Variants in LMO7 observed in about 807,000 individuals in gnomAD.
The protein encoded by LMO7 is LIM domain 7, also known as LIM domain only protein 7.
LMO7 carries 120 observed loss-of-function variants against 206.5 expected under a neutral mutation model. The observed-to-expected ratio is 0.58, with a 90% confidence interval of 0.50 to 0.68. LMO7 has a LOEUF of 0.68. LMO7 is among the 30% of genes least tolerant of loss of function. The probability of loss-of-function intolerance (pLI) is 0.00; values close to 1 mark genes in which losing one functional copy is unlikely to be tolerated. For synonymous variants in LMO7, 706 were observed against 681.5 expected (o/e 1.04, Z -0.56); for missense variants, 1,959 against 1,957.9 (o/e 1.00, Z -0.01).
chr13:75,729,769 A>G (rs2044929387), intron 3 of LMO7, among the ~76,000 whole-genome samples: 1 of 151,570 alleles, frequency 6.6e-6, no homozygotes, highest in Non-Finnish European at 1.5e-5. Context: ...TGGGTTTGTC[A>G]TAGATAGCTC....
intron 20 of LMO7, 96 bp downstream of exon 20, chr13:75,838,292 C>A: frequency 6.5e-7 from 1 of 1,540,052 alleles, no homozygotes; most frequent in Non-Finnish European, 8.9e-7. Flanking sequence ...TGAGCCTCTT[C>A]AATTTGTCTG....
chr13:75,682,113 G>T, intron 1 of LMO7, among the ~76,000 whole-genome samples: 1 of 152,146 alleles, frequency 6.6e-6, no homozygotes, highest in East Asian at 1.9e-4. Context: ...CAATGTATGA[G>T]AGTTCTATTC....
chr13:75,626,595 A>ATATATATATTTTTTTTTTTTTTTTTTTTT, intron 2 of LMO7, among the ~76,000 whole-genome samples: 43 of 71,132 alleles, frequency 6.0e-4, no homozygotes, highest in Non-Finnish European at 1.2e-3. Flanking sequence ...ATATATATAA[A>ATATATATATTTTTTTTTTTTTTTTTTTTT]TTTTTTTGAG....
intron 4 of LMO7, among the ~76,000 whole-genome samples, chr13:75,779,557 T>C (rs2051005244): frequency 6.6e-6 from 1 of 152,240 alleles, no homozygotes; most frequent in Non-Finnish European, 1.5e-5. Context: ...CTGTCACTTC[T>C]TTCTCAATGA....
At chr13:75,849,052 A>T (rs1457826621) in intron 26 of LMO7, 27 bp from the exon 27 acceptor site, 1 of 1,403,600 alleles carries the variant, frequency 7.1e-7, no homozygotes, top group East Asian at 2.3e-5. Context: ...TACTAATCCC[A>T]AAGCTTTTGA....
At chr13:75,653,032 T>G (rs997958584) in intron 1 of LMO7, among the ~76,000 whole-genome samples, 4 of 152,096 alleles carry the variant, frequency 2.6e-5, no homozygotes, top group Admixed American at 2.0e-4. Flanking sequence ...GCCTCATCCA[T>G]GCCCTTTACA....
intron 21 of LMO7, 23 bp from the exon 22 acceptor site, chr13:75,840,368 T>C (rs1002954326): frequency 3.1e-6 from 5 of 1,613,190 alleles, no homozygotes; most frequent in Non-Finnish European, 4.2e-6. Flanking sequence ...TCTATTTGCA[T>C]CTCTTCTCTG....
chr13:75,747,001 G>A (rs922685397), intron 3 of LMO7, among the ~76,000 whole-genome samples: 2 of 151,994 alleles, frequency 1.3e-5, no homozygotes, highest in African/African-American at 4.8e-5. Context: ...GTGAAAACCT[G>A]GCAAACATAC....
chr13:75,636,807 C>T, intron 1 of LMO7, 81 bp downstream of exon 1: 1 of 1,367,412 alleles, frequency 7.3e-7, no homozygotes, highest in African/African-American at 1.4e-5. Flanking sequence ...CAGCCCCAGT[C>T]ACTCTGCACT....
intron 3 of LMO7, among the ~76,000 whole-genome samples, chr13:75,743,729 G>C: frequency 6.6e-6 from 1 of 151,960 alleles, no homozygotes; most frequent in African/African-American, 2.4e-5. Flanking sequence ...GAGAAGATCA[G>C]GAAAAATAAC....
chr13:75,811,991 C>T (rs1382711142), intron 11 of LMO7, among the ~76,000 whole-genome samples: 1 of 151,962 alleles, frequency 6.6e-6, no homozygotes, highest in African/African-American at 2.4e-5. Context: ...AGGCTTATGA[C>T]AGCAAAAAAG....
chr13:75,699,849 T>C (rs1465817527), intron 1 of LMO7, among the ~76,000 whole-genome samples: 1 of 152,184 alleles, frequency 6.6e-6, no homozygotes, highest in Non-Finnish European at 1.5e-5. Context: ...GGCTGGAATT[T>C]CTTAATCCTA....
Position 75,853,309 on chromosome 13 carries a change from G to A in LMO7, c.4582G>A (p.Gly1528Ser). The change falls in exon 28 of 31, where the codon GGT becomes AGT. Residue 1528 changes from glycine (G) to serine (S), a missense_variant. Gly to Ser is a moderately conservative substitution (Grantham distance 56, BLOSUM62 0). Coordinates refer to ENST00000377534, the MANE Select transcript of LMO7 (RefSeq NM_001306080.2). ...SAGSVKTSTT[G>S]VATTQSPTPR... ...TGGCTCCGTGAAGACCTCCACCACA[G>A]GTGTGGCCACCACACAGTCCCCCAC... 6.2e-7 allele frequency: 1 copy of A among 1,614,010 alleles called. No individual in the cohort carries two copies.
At chr13:75,724,624 T>A (rs2044308429) in intron 2 of LMO7, among the ~76,000 whole-genome samples, 1 of 152,178 alleles carries the variant, frequency 6.6e-6, no homozygotes, top group Non-Finnish European at 1.5e-5. Context: ...ATGCCCCTAA[T>A]CCTCTAGGCA....
chr13:75,752,143 A>T (rs2047322825), intron 3 of LMO7, among the ~76,000 whole-genome samples: 1 of 151,592 alleles, frequency 6.6e-6, no homozygotes, highest in African/African-American at 2.4e-5. Flanking sequence ...TTTTATTATT[A>T]TTATTTTTGA....
Position 75,804,539 on chromosome 13 carries a change from A to T in LMO7, c.912A>T (p.Ser304=), listed in dbSNP as rs372787222. ...PVYTEADGTF[S]SNQRRIWGTN... is the part of the protein sequence containing the mutation. ...ATACAGAAGCAGATGGAACATTTTC[A>T]AGGTACTGAGATGGGTGTGATTATT... The change falls in exon 8 of 31, where the codon TCA becomes TCT. Residue 304 remains serine, a splice_region_variant and synonymous_variant. Transcript: ENST00000377534. 1 of 1,613,662 alleles carries T rather than the reference A, an allele frequency of 6.2e-7. No homozygotes were observed. Among genetic ancestry groups the T allele is most frequent in the South Asian group, 1.1e-5 (1 of 90,976 alleles).
chr13:75,763,728 C>T (rs2048490323), intron 4 of LMO7, among the ~76,000 whole-genome samples: 1 of 152,110 alleles, frequency 6.6e-6, no homozygotes, highest in Admixed American at 6.6e-5. Context: ...TAGGAAAGGA[C>T]AGTCGATATC....
intron 2 of LMO7, among the ~76,000 whole-genome samples, chr13:75,724,270 A>G (rs191187539): frequency 1.2e-4 from 19 of 152,282 alleles, no homozygotes; most frequent in African/African-American, 4.1e-4. Flanking sequence ...TCCTACCAAA[A>G]GAGCAAGCCT....
chr13:75,856,394 G>A, intron 29 of LMO7, 112 bp from the exon 30 acceptor site: 1 of 637,186 alleles, frequency 1.6e-6, no homozygotes, highest in Non-Finnish European at 2.8e-6. Flanking sequence ...TTGCTGAAAT[G>A]TATCTAAGAG....
Sources: gnomAD v4.1 joint callset for allele counts (sites outside exome capture counted in the v4.1 genomes callset) on GRCh38, gnomAD v4.1.1 for gene constraint, MANE v1.5 for transcripts, NCBI Gene and HGNC (gene_info 2026-07-23, HGNC 2026-07-21) for gene names.